Variants in BNC2 observed in about 807,000 individuals in gnomAD.
BNC2 encodes zinc finger protein basonuclin-2.
BNC2 carries 20 observed loss-of-function variants against 76.3 expected under a neutral mutation model. That is an observed-to-expected ratio of 0.26 (90% CI 0.18 to 0.38). The LOEUF is 0.38. Among genes scored for constraint, BNC2 ranks in the 10% least tolerant of loss-of-function variants. BNC2 has a pLI of 1.00. For missense variants in BNC2, 1,382 were observed against 1,399.8 expected (o/e 0.99, Z 0.20); for synonymous variants, 582 against 514.8 (o/e 1.13, Z -1.77).
At chr9:16,430,027 A>C (rs748406737) in intron 6 of BNC2, 3 of 499,892 alleles carry the variant, frequency 6.0e-6, no homozygotes, top group South Asian at 4.4e-5. Flanking sequence ...GACAGGAATG[A>C]CACTGAAGTT....
intron 1 of BNC2, among the ~76,000 whole-genome samples, chr9:16,744,069 C>T (rs1311746963): frequency 6.6e-6 from 1 of 152,180 alleles, no homozygotes; most frequent in African/African-American, 2.4e-5. Flanking sequence ...CGGGTTCACG[C>T]CATTCTCCTA....
At chr9:16,575,211 A>C in intron 4 of BNC2, 4 of 951,548 alleles carry the variant, frequency 4.2e-6, no homozygotes, top group Non-Finnish European at 5.0e-6. Flanking sequence ...ACGTGAATGT[A>C]AACAGTCTCA....
intron 3 of BNC2, among the ~76,000 whole-genome samples, chr9:16,647,040 G>A (rs901614762): frequency 1.6e-4 from 24 of 152,092 alleles, no homozygotes; most frequent in African/African-American, 4.6e-4. Context: ...AAGGGGTGTC[G>A]GAAGACAAAG....
chr9:16,801,971 G>C (rs1419678797), intron 1 of BNC2, among the ~76,000 whole-genome samples: 5 of 151,964 alleles, frequency 3.3e-5, no homozygotes. Context: ...GTATACAGGA[G>C]ACATGCAATG....
chr9:16,526,768 C>T (rs76542317), intron 5 of BNC2, among the ~76,000 whole-genome samples: 1 of 152,068 alleles, frequency 6.6e-6, no homozygotes, highest in Non-Finnish European at 1.5e-5. Flanking sequence ...ATTCTCTTCA[C>T]ATAAATTTAT....
intron 1 of BNC2, among the ~76,000 whole-genome samples, chr9:16,813,727 T>C (rs956600018): frequency 1.3e-5 from 2 of 152,158 alleles, no homozygotes; most frequent in Admixed American, 1.3e-4. Context: ...TGCAAGAGCT[T>C]TGGTTGAATT....
At chr9:16,752,278 C>T (rs903638446) in intron 1 of BNC2, among the ~76,000 whole-genome samples, 5 of 152,144 alleles carry the variant, frequency 3.3e-5, no homozygotes, top group Admixed American at 6.6e-5. Flanking sequence ...TTAAAGGCTA[C>T]AATATTTGCA....
intron 3 of BNC2, among the ~76,000 whole-genome samples, chr9:16,669,706 C>G (rs143344362): frequency 1.4e-3 from 217 of 152,314 alleles, no homozygotes; most frequent in Middle Eastern, 0.014. Context: ...TAGAGAACTA[C>G]TTCTTCTCTA....
chr9:16,495,987 C>A (rs1437420898), intron 5 of BNC2, among the ~76,000 whole-genome samples: 1 of 151,150 alleles, frequency 6.6e-6, no homozygotes, highest in Non-Finnish European at 1.5e-5. Context: ...TGGCTTACTA[C>A]AATCTCCACC....
At chr9:16,468,973 T>C (rs1451245091) in intron 5 of BNC2, among the ~76,000 whole-genome samples, 1 of 152,194 alleles carries the variant, frequency 6.6e-6, no homozygotes, top group Non-Finnish European at 1.5e-5. Context: ...AGAAAACTAA[T>C]GAAAATGTTT....
intron 5 of BNC2, among the ~76,000 whole-genome samples, chr9:16,479,901 T>C (rs1822010327): frequency 6.6e-6 from 1 of 152,222 alleles, no homozygotes. Context: ...CCTTTGACAG[T>C]TTCCAAATGT....
At chr9:16,866,011 A>C (rs1212276217) in intron 1 of BNC2, among the ~76,000 whole-genome samples, 3 of 152,166 alleles carry the variant, frequency 2.0e-5, no homozygotes, top group Non-Finnish European at 4.4e-5. Flanking sequence ...AAAAGATTTT[A>C]AGAAGGACAA....
intron 3 of BNC2, among the ~76,000 whole-genome samples, chr9:16,619,891 T>A (rs1381135255): frequency 1.3e-5 from 2 of 152,234 alleles, no homozygotes; most frequent in Non-Finnish European, 2.9e-5. Flanking sequence ...GTTTCCTTGC[T>A]TAAAATACAG....
intron 3 of BNC2, among the ~76,000 whole-genome samples, chr9:16,673,439 AAAAAAC>A (rs1822542969): frequency 1.4e-5 from 2 of 144,832 alleles, no homozygotes; most frequent in African/African-American, 5.3e-5. Context: ...TTAAAAAAAA[AAAAAAC>A]ACACACACAC....
chr9:16,473,329 G>C (rs1286707104), intron 5 of BNC2: 2 of 152,164 alleles, frequency 1.3e-5, no homozygotes, highest in Non-Finnish European at 2.9e-5. Context: ...GTTCTAACAA[G>C]AAACAAACCG....
At chr9:16,615,781 G>C (rs1268079140) in intron 3 of BNC2, among the ~76,000 whole-genome samples, 1 of 152,154 alleles carries the variant, frequency 6.6e-6, no homozygotes, top group African/African-American at 2.4e-5. Context: ...ACTTAGACGA[G>C]TGGAAGGAAA....
intron 5 of BNC2, among the ~76,000 whole-genome samples, chr9:16,477,868 C>T (rs1229579165): frequency 4.6e-5 from 7 of 152,104 alleles, no homozygotes; most frequent in African/African-American, 1.7e-4. Context: ...ACTCATAGAA[C>T]AAAGGGGATA....
In BNC2 at chr9:16,616,865, AGGT is replaced by A. The variant is rs1468389913; in HGVS notation, c.331-33783_331-33781del. 2.9e-5 allele frequency among the ~76,000 whole-genome samples: 4 copies of A among 138,490 alleles called. No homozygotes were observed. In the Admixed American group the frequency reaches 3.0e-4, roughly 10 times the overall value. 90.9% of individuals were successfully genotyped at this position (138,490 alleles called of 152,430 possible). Reference sequence around the variant, plus strand: ...TTCTACTGACACGTGGGAATTTCGTAGGTGGCTCTCTATAGCATTTCATAGTAT... The same window carrying A: ...TTCTACTGACACGTGGGAATTTCGTAGGCTCTCTATAGCATTTCATAGTAT... On this transcript the variant is annotated intron_variant, in intron 3 of 6. Coordinates refer to ENST00000380672, the MANE Select transcript of BNC2 (RefSeq NM_017637.6).
intron 1 of BNC2, among the ~76,000 whole-genome samples, chr9:16,779,114 TAAAAA>T (rs143267899): frequency 3.5e-5 from 3 of 85,564 alleles, no homozygotes; most frequent in South Asian, 4.4e-4. Context: ...ACAAAAATTG[TAAAAA>T]AAAAAAAAAA....
Sources: allele counts gnomAD v4.1 joint callset (sites outside exome capture counted in the v4.1 genomes callset), GRCh38; gene constraint gnomAD v4.1.1; transcripts MANE v1.5; gene names NCBI Gene and HGNC (gene_info 2026-07-23, HGNC 2026-07-21).